TEX15: variants seen among roughly 807,000 people sequenced by gnomAD.
The protein encoded by TEX15 is testis-expressed protein 15.
TEX15 carries 171 observed loss-of-function variants against 237.3 expected under a neutral mutation model. That is an observed-to-expected ratio of 0.72 (90% confidence interval 0.64 to 0.82). The LOEUF (loss-of-function observed/expected upper bound fraction) is 0.82, where lower values mean the gene tolerates loss of function less well. TEX15 is among the 40% of genes least tolerant of loss of function. The pLI is 0.00. For synonymous variants in TEX15, 1,338 were observed against 1,269.8 expected (o/e 1.05, Z -1.14); for missense variants, 3,750 against 3,646.5 (o/e 1.03, Z -0.73).
rs1807662516 is a variant in TEX15 at position 30,847,980 on chromosome 8, C to T, written c.2187G>A (p.Val729=). 6.2e-7 allele frequency: 1 copy of T among 1,613,936 alleles called. No individual in the cohort carries two copies. Among genetic ancestry groups the T allele is most frequent in the Non-Finnish European group, 8.5e-7 (1 of 1,179,930 alleles). Residue 729 remains valine (V), a synonymous_variant, in exon 8 of 11, where the codon GTG becomes GTA. Transcript: ENST00000643185. ...SLSQKHPQHS[V]EYEGNIHTSL... is the part of the protein sequence containing the mutation. ...TTGTATGAATGTTACCCTCATACTC[C>T]ACAGAGTGCTGAGGATGCTTTTGTG...
rs1243527560 is a variant in TEX15 at position 30,845,240 on chromosome 8, T to C, written c.4927A>G (p.Thr1643Ala). 1 of 1,613,600 alleles carries C rather than the reference T, an allele frequency of 6.2e-7. No homozygotes were observed. Among genetic ancestry groups the C allele is most frequent in the African/African-American group, 1.3e-5 (1 of 75,054 alleles). The change falls in exon 8 of 11, where the codon ACA (threonine) becomes GCA (alanine). Residue 1643 changes from threonine (T) to alanine (A), a missense_variant. Physicochemically the swap from Thr to Ala is moderately conservative, Grantham distance 58. Coordinates refer to ENST00000643185, the MANE Select transcript of TEX15 (RefSeq NM_001350162.2). ...ATAAGTACGTCAGTTTTCGCCTTTG[T>C]GTGACCTATGCAAGTTGCATCACAA... ...NDCDATCIGHTKAKTDVLISV... is the reference protein window; with the variant it reads ...NDCDATCIGHAKAKTDVLISV...
Position 30,844,552 on chromosome 8 carries a change from T to C in TEX15, c.5615A>G (p.Tyr1872Cys). The part of the protein sequence containing the change: ...MTEGSTVNTE[Y>C]KNQKNQISEE... ...TGAGATCTGATTCTTTTGATTTTTG[T>C]ACTCAGTATTAACAGTTGATCCTTC... Residue 1872 changes from tyrosine (Y) to cysteine (C), a missense_variant, in exon 8 of 11, where the codon TAC (tyrosine) becomes TGC (cysteine). Physicochemically the swap from Tyr to Cys is radical, Grantham distance 194 (BLOSUM62 -2). Transcript: ENST00000643185. The C allele has an allele frequency of 1.9e-6, 3 of 1,612,354 alleles. No homozygotes were observed. Among genetic ancestry groups the C allele is most frequent in the South Asian group, 1.1e-5 (1 of 90,722 alleles).
intron 4 of TEX15, 143 bp downstream of exon 4, chr8:30,874,794 G>T: frequency 2.1e-6 from 1 of 475,596 alleles, no homozygotes; most frequent in Non-Finnish European, 3.3e-6. Flanking sequence ...TGTTACAAAA[G>T]ACTATGAGAA....
intron 7 of TEX15, among the ~76,000 whole-genome samples, chr8:30,854,259 CA>C (rs1159366706): frequency 4.4e-3 from 284 of 64,978 alleles, no homozygotes; most frequent in South Asian, 7.2e-3. Flanking sequence ...CCTGACTGAC[CA>C]AAAAAAAAAA....
At position 30,844,148 on chromosome 8, in the gene TEX15, C is replaced by T. The variant is rs771135465; in HGVS notation, c.6019G>A (p.Ala2007Thr). The T allele has an allele frequency of 2.5e-6, 4 of 1,613,154 alleles. No individual in the cohort carries two copies. The highest frequency in any genetic ancestry group is 2.2e-5 in the South Asian group (2 of 90,914). ...IANLSQILQR[A>T]DEASSLQILQ... The stretch of plus-strand genomic sequence containing the variant: ...ATCTGCAAAGATGATGCTTCATCTG[C>T]CCTCTGCAAAATTTGAGATAGATTA... The change falls in exon 8 of 11, where the codon GCA (alanine) becomes ACA (threonine). Residue 2007 changes from alanine to threonine, a missense_variant. Physicochemically the swap from Ala to Thr is moderately conservative, Grantham distance 58. Coordinates refer to ENST00000643185, the MANE Select transcript of TEX15 (RefSeq NM_001350162.2).
At chr8:30,895,198 T>A (rs1354088224) in intron 2 of TEX15, among the ~76,000 whole-genome samples, 1 of 146,600 alleles carries the variant, frequency 6.8e-6, no homozygotes, top group East Asian at 2.0e-4. Flanking sequence ...ATATGTAGTA[T>A]AATGACTTAG....
At chr8:30,878,840 AAAG>A (rs1231937162) in intron 3 of TEX15, among the ~76,000 whole-genome samples, 4 of 152,162 alleles carry the variant, frequency 2.6e-5, no homozygotes, top group African/African-American at 9.7e-5. Flanking sequence ...TTTAGTTTTT[AAAG>A]ATGATGCCAA....
intron 5 of TEX15, among the ~76,000 whole-genome samples, chr8:30,866,387 G>C: frequency 6.6e-6 from 1 of 150,446 alleles, no homozygotes; most frequent in South Asian, 2.1e-4. Context: ...GAAGGGGAAG[G>C]GGAAGGGAAG....
intron 1 of TEX15, among the ~76,000 whole-genome samples, chr8:30,902,686 TG>T (rs1809030194): frequency 6.6e-6 from 1 of 152,188 alleles, no homozygotes; most frequent in Admixed American, 6.5e-5. Context: ...CCAACTTCAG[TG>T]TGTATCAGAA....
rs1329646843 is a variant in TEX15 at position 30,847,620 on chromosome 8, T to C, written c.2547A>G (p.Ile849Met). The C allele has an allele frequency of 1.9e-6, 3 of 1,613,450 alleles. No homozygotes were observed. The highest frequency in any genetic ancestry group is 4.5e-5 in the East Asian group (2 of 44,850). Residue 849 changes from isoleucine to methionine, a missense_variant, in exon 8 of 11, where the codon ATA becomes ATG. By Grantham distance (10) the Ile-to-Met change is conservative. Coordinates refer to ENST00000643185, the MANE Select transcript of TEX15 (RefSeq NM_001350162.2). ...GTTTTTTGAAATTAACATTCAGCCA[T>C]ATATCATTGCTTAACTGTGAATTAC... ...LFCNSQLSND[I>M]WLNVNFKKQT...
rs1585317151 is a variant in TEX15, at chr8:30,901,894, T to C, written c.-85-3077A>G. Among the ~76,000 whole-genome samples the C allele has an allele frequency of 2.0e-5, 3 of 152,222 alleles. No homozygotes were observed. In the South Asian group the frequency reaches 6.2e-4, roughly 32 times the overall value. Reference sequence around the variant, plus strand: ...CCTGGACATGTCCTATACTTCCTAATTATAGATCACTGGCTACGCAAGCTG... The same window carrying C: ...CCTGGACATGTCCTATACTTCCTAACTATAGATCACTGGCTACGCAAGCTG... On this transcript the variant is annotated intron_variant, in intron 1 of 10. Coordinates refer to ENST00000643185, the MANE Select transcript of TEX15 (RefSeq NM_001350162.2).
At position 30,845,587 on chromosome 8, in the gene TEX15, C is replaced by T. The variant is rs777488624; in HGVS notation, c.4580G>A (p.Ser1527Asn). The T allele has an allele frequency of 6.2e-7, 1 of 1,613,482 alleles. No individual in the cohort carries two copies. Among genetic ancestry groups the T allele is most frequent in the Non-Finnish European group, 8.5e-7 (1 of 1,179,548 alleles). Residue 1527 changes from serine to asparagine, a missense_variant, in exon 8 of 11, where the codon AGT (serine) becomes AAT (asparagine). By Grantham distance (46) the Ser-to-Asn change is conservative (BLOSUM62 1). Coordinates refer to ENST00000643185, the MANE Select transcript of TEX15 (RefSeq NM_001350162.2). The stretch of plus-strand genomic sequence containing the variant: ...ATTATAATAAACTGACTGACTTGTA[C>T]TTTGGGATGTGGAGGATACAGGCAA... Reference protein sequence around the residue: ...SQLPVSSTSQSTSQSVYYNSS... With the variant: ...SQLPVSSTSQNTSQSVYYNSS...
chr8:30,895,676 C>CTTTTTTTTTTTTTTTTTTTTTTTTTT lies in TEX15; in HGVS notation c.-10+3065_-10+3066insAAAAAAAAAAAAAAAAAAAAAAAAAA, dbSNP rs34002027. On this transcript the variant is annotated intron_variant, in intron 2 of 10. Coordinates refer to ENST00000643185, the MANE Select transcript of TEX15 (RefSeq NM_001350162.2). ...CATGTCAACACCTTTTAAACACATG[C>CTTTTTTTTTTTTTTTTTTTTTTTTTT]TTTTTTTTTTTTTTTTTTTTTTTTG... 3.3e-5 allele frequency among the ~76,000 whole-genome samples: 2 copies of CTTTTTTTTTTTTTTTTTTTTTTTTTT among 60,060 alleles called. 1 individual carries two copies. Among genetic ancestry groups the CTTTTTTTTTTTTTTTTTTTTTTTTTT allele is most frequent in the African/African-American group, 1.6e-4 (2 of 12,336 alleles). 39.4% of individuals were successfully genotyped at this position (60,060 alleles called of 152,430 possible).
In TEX15 at chr8:30,843,677, A is replaced by G. The variant is rs764159518; in HGVS notation, c.6490T>C (p.Tyr2164His). The change falls in exon 8 of 11, where the codon TAT becomes CAT. Residue 2164 changes from tyrosine to histidine, a missense_variant. Physicochemically the swap from Tyr to His is moderately conservative, Grantham distance 83. Transcript: ENST00000643185. Reference sequence around the variant, plus strand: ...TGTCGTTTGTACTTTAAGAATACATAGTATGAATTCTTTTCCCTTTTTGTT... The same window carrying G: ...TGTCGTTTGTACTTTAAGAATACATGGTATGAATTCTTTTCCCTTTTTGTT... Reference protein sequence around the residue: ...EETKREKNSYYVFLKYKRQVN... With the variant: ...EETKREKNSYHVFLKYKRQVN... 2.5e-6 allele frequency: 4 copies of G among 1,612,424 alleles called. No homozygotes were observed. In the East Asian group the frequency reaches 8.9e-5, roughly 36 times the overall value.
rs1188223063 is a variant in TEX15 at position 30,847,808 on chromosome 8, T to A, written c.2359A>T (p.Asn787Tyr). ...GAACTGTCATGAGCTGTTTCTATGT[T>A]ATAAGATGAAATAACTGTATCAATG... ...MFIDTVISSYNIETAHDSSNC... is the reference protein window; with the variant it reads ...MFIDTVISSYYIETAHDSSNC... The change falls in exon 8 of 11, where the codon AAC becomes TAC. Residue 787 changes from asparagine (N) to tyrosine (Y), a missense_variant. Transcript: ENST00000643185. 6.2e-7 allele frequency: 1 copy of A among 1,613,850 alleles called. No individual in the cohort carries two copies. The highest frequency in any genetic ancestry group is 2.2e-5 in the East Asian group (1 of 44,858).
intron 1 of TEX15, among the ~76,000 whole-genome samples, chr8:30,899,374 G>A (rs1808964866): frequency 6.6e-6 from 1 of 152,166 alleles, no homozygotes; most frequent in African/African-American, 2.4e-5. Flanking sequence ...AAACTGGTAA[G>A]TTGGTTTTCA....
At position 30,838,783 on chromosome 8, in the gene TEX15, TA is replaced by T. The variant is rs1807373255; in HGVS notation, c.8223-723del. 1.8e-4 allele frequency among the ~76,000 whole-genome samples: 7 copies of T among 39,632 alleles called. No homozygotes were observed. In the Admixed American group the frequency reaches 2.2e-3, roughly 13 times the overall value. 26.0% of individuals were successfully genotyped at this position (39,632 alleles called of 152,430 possible). ...GTGTATATATAAAAACATATATATATATATATATATATATATATATATATAT... is the reference window on the plus strand; with the variant it reads ...GTGTATATATAAAAACATATATATATTATATATATATATATATATATATAT... On this transcript the variant is annotated intron_variant, in intron 9 of 10. Transcript: ENST00000643185.
chr8:30,901,969 T>A (rs1022818184), intron 1 of TEX15, among the ~76,000 whole-genome samples: 4 of 152,168 alleles, frequency 2.6e-5, no homozygotes, highest in Admixed American at 1.3e-4. Flanking sequence ...TCTGGTCTAG[T>A]GAACTAGGGG....
Position 30,846,352 on chromosome 8 carries a change from T to A in TEX15, c.3815A>T (p.Asp1272Val), listed in dbSNP as rs766802309. The A allele has an allele frequency of 7.4e-6, 12 of 1,613,066 alleles. No homozygotes were observed. Among genetic ancestry groups the A allele is most frequent in the Non-Finnish European group, 6.8e-6 (8 of 1,179,666 alleles). The change falls in exon 8 of 11, where the codon GAT (aspartate) becomes GTT (valine). Residue 1272 changes from aspartate to valine, a missense_variant. By Grantham distance (152) the Asp-to-Val change is radical. Coordinates refer to ENST00000643185, the MANE Select transcript of TEX15 (RefSeq NM_001350162.2). ...FTEPSNVTTI[D>V]DGSRCFFTKS... ...TGTAAAGAAACATCTGCTTCCATCA[T>A]CTATTGTTGTGACATTAGAAGGTTC...
Sources: gnomAD v4.1 joint callset for allele counts (sites outside exome capture counted in the v4.1 genomes callset) on GRCh38, gnomAD v4.1.1 for gene constraint, MANE v1.5 for transcripts, NCBI Gene and HGNC (gene_info 2026-07-23, HGNC 2026-07-21) for gene names.